The following MTREX variants were observed in gnomAD, a reference collection of about 807,000 sequenced individuals.
MTREX encodes the protein Mtr4 exosome RNA helicase.
In MTREX, 76 loss-of-function variants were observed where a neutral mutation model predicts 135.4. The observed-to-expected ratio is 0.56, with a 90% CI of 0.47 to 0.68. The LOEUF (loss-of-function observed/expected upper bound fraction) is 0.68, where lower values mean the gene tolerates loss of function less well. MTREX is among the 30% of genes least tolerant of loss of function. The pLI, the probability that MTREX is intolerant of heterozygous loss-of-function variation, is 0.00. For synonymous variants in MTREX, 404 were observed against 401.6 expected (o/e 1.01, Z -0.07); for missense variants, 920 against 1,262.1 (o/e 0.73, Z 4.11).
chr5:55,410,721 T>TAGTAATATAATA (rs1382014791), intron 23 of MTREX, 92 bp downstream of exon 23: 10 of 623,932 alleles, frequency 1.6e-5, no homozygotes, highest in African/African-American at 5.7e-5. Flanking sequence ...TTACTAATAT[T>TAGTAATATAATA]TACATATTAT....
At position 55,424,894 on chromosome 5, in the gene MTREX, T is replaced by A; in HGVS notation, c.*122T>A. Reference sequence around the variant, plus strand: ...CATTTTAATATGTATTATATTTAAATCAAACATCATTCATAGAAAGCATAT... The same window carrying A: ...CATTTTAATATGTATTATATTTAAAACAAACATCATTCATAGAAAGCATAT... On this transcript the variant is annotated 3_prime_UTR_variant, in exon 27 of 27. Coordinates refer to ENST00000230640, the MANE Select transcript of MTREX (RefSeq NM_015360.5). The A allele has an allele frequency of 1.4e-6, 1 of 695,610 alleles. No homozygotes were observed. 43.1% of individuals were successfully genotyped at this position (695,610 alleles called of 1,614,324 possible). A position where few individuals can be genotyped will look rare whatever the true frequency, so the allele number is the denominator to read the frequency against.
chr5:55,384,234 A>G (rs1750443129), intron 18 of MTREX, among the ~76,000 whole-genome samples: 1 of 152,198 alleles, frequency 6.6e-6, no homozygotes, highest in Non-Finnish European at 1.5e-5. Flanking sequence ...ATCTCCATCA[A>G]TAGTCTATCT....
At chr5:55,401,027 GCGTC>G (rs1293218612) in intron 21 of MTREX, among the ~76,000 whole-genome samples, 1 of 151,992 alleles carries the variant, frequency 6.6e-6, no homozygotes, top group Non-Finnish European at 1.5e-5. Context: ...GTGTGTGCGT[GCGTC>G]CGTGCATGCG....
chr5:55,365,065 T>C lies in MTREX; in HGVS notation c.1660-1660T>C, dbSNP rs865855098. ...GAATGTCAAAAAGCCATGTTGAGTT[T>C]CAGGTGACTGAGAATTTACATGGGT... On this transcript the variant is annotated intron_variant, in intron 15 of 26. Coordinates refer to ENST00000230640, the MANE Select transcript of MTREX (RefSeq NM_015360.5). 1.6e-4 allele frequency among the ~76,000 whole-genome samples: 25 copies of C among 152,298 alleles called. No homozygotes were observed. In the Middle Eastern group the frequency reaches 0.01, roughly 62 times the overall value.
intron 1 of MTREX, among the ~76,000 whole-genome samples, chr5:55,315,575 G>T (rs934772698): frequency 2.6e-5 from 4 of 151,944 alleles, no homozygotes; most frequent in Non-Finnish European, 5.9e-5. Flanking sequence ...ATTCCATTGC[G>T]GCATAGAGCA....
rs1749620439 is a variant in MTREX at position 55,340,107 on chromosome 5, G to C, written c.613G>C (p.Glu205Gln). 3 of 1,604,836 alleles carry C rather than the reference G, an allele frequency of 1.9e-6. No homozygotes were observed. The highest frequency in any genetic ancestry group is 2.6e-6 in the Non-Finnish European group (3 of 1,175,552). Residue 205 changes from glutamate to glutamine, a missense_variant, in exon 6 of 27, where the codon GAA becomes CAA. Glu to Gln is a conservative substitution (Grantham distance 29). Coordinates refer to ENST00000230640, the MANE Select transcript of MTREX (RefSeq NM_015360.5). ...CCAAAAATACCGTGAAATGTATGAA[G>C]AATTTCAAGATGTTGGTTTGATGAC... ...SNQKYREMYEEFQDVGLMTGD... is the reference protein window; with the variant it reads ...SNQKYREMYEQFQDVGLMTGD...
chr5:55,388,375 C>G (rs574338844), intron 19 of MTREX, among the ~76,000 whole-genome samples: 1 of 152,108 alleles, frequency 6.6e-6, no homozygotes, highest in South Asian at 2.1e-4. Context: ...TTACATGAAG[C>G]TGGATTTTGC....
At chr5:55,325,650 A>G (rs1749366303) in intron 3 of MTREX, among the ~76,000 whole-genome samples, 1 of 151,950 alleles carries the variant, frequency 6.6e-6, no homozygotes, top group Admixed American at 6.6e-5. Context: ...GTGCCTAGCC[A>G]TGTGCAGGTT....
chr5:55,309,183 C>CA (rs34270754), intron 1 of MTREX, among the ~76,000 whole-genome samples: 5 of 152,052 alleles, frequency 3.3e-5, no homozygotes, highest in Non-Finnish European at 7.4e-5. Flanking sequence ...ATAAATTGAG[C>CA]AAGAGGAACT....
chr5:55,334,897 G>T (rs1015700563), intron 5 of MTREX, among the ~76,000 whole-genome samples: 1 of 152,030 alleles, frequency 6.6e-6, no homozygotes, highest in Non-Finnish European at 1.5e-5. Context: ...TGGCAAATAT[G>T]TATTTAACTG....
intron 18 of MTREX, among the ~76,000 whole-genome samples, chr5:55,384,345 T>G (rs545129984): frequency 6.6e-6 from 1 of 152,356 alleles, no homozygotes; most frequent in East Asian, 1.9e-4. Context: ...CTCTAAAATT[T>G]GCTTTTGGTT....
chr5:55,399,668 T>C (rs1750694162), intron 20 of MTREX, among the ~76,000 whole-genome samples: 1 of 152,008 alleles, frequency 6.6e-6, no homozygotes. Context: ...TTTGTATTTT[T>C]AGTAGAGACG....
chr5:55,321,171 T>C (rs1749283751), intron 1 of MTREX, among the ~76,000 whole-genome samples: 1 of 152,160 alleles, frequency 6.6e-6, no homozygotes, highest in African/African-American at 2.4e-5. Flanking sequence ...ATATTGCAAA[T>C]ATCAATAGAT....
At chr5:55,410,369 TCTA>T (rs1301748731) in intron 22 of MTREX, among the ~76,000 whole-genome samples, 152 bp from the exon 23 acceptor site, 2 of 152,236 alleles carry the variant, frequency 1.3e-5, no homozygotes, top group Admixed American at 1.3e-4. Flanking sequence ...TTATTAAAGA[TCTA>T]CTATGTCCTT....
rs551583429 is a variant in MTREX, at chr5:55,375,866, C to T, written c.1811-2448C>T. On this transcript the variant is annotated intron_variant, in intron 16 of 26. Transcript: ENST00000230640. ...CACAATCTACGTTCTTCTGCCACAG[C>T]TTCAGCTGGTCCCTCCGTTTGGGGT... Among the ~76,000 whole-genome samples, 3 of 152,322 alleles carry T rather than the reference C, an allele frequency of 2.0e-5. No homozygotes were observed. In the East Asian group the frequency reaches 5.8e-4, roughly 29 times the overall value.
intron 24 of MTREX, 87 bp downstream of exon 24, chr5:55,414,325 A>C (rs1487330089): frequency 7.5e-6 from 8 of 1,066,870 alleles, no homozygotes; most frequent in Non-Finnish European, 1.0e-5. Context: ...TAATCATAGT[A>C]GTTTATCATT....
At chr5:55,368,243 G>A (rs2112088047) in intron 16 of MTREX, among the ~76,000 whole-genome samples, 1 of 152,232 alleles carries the variant, frequency 6.6e-6, no homozygotes, top group Middle Eastern at 3.4e-3. Flanking sequence ...GAGGTCAGGA[G>A]TTCGAGGCCA....
chr5:55,374,264 T>TTATATATATATATATATATATA (rs763872215), intron 16 of MTREX, among the ~76,000 whole-genome samples: 16 of 139,674 alleles, frequency 1.1e-4, no homozygotes, highest in East Asian at 8.6e-4. Context: ...CAAAAAACAT[T>TTATATATATATATATATATATA]TATATATATA....
Position 55,369,114 on chromosome 5 carries a change from A to AATTTT in MTREX, c.1810+2253_1810+2257dup, listed in dbSNP as rs1049556573. Among the ~76,000 whole-genome samples, 8 of 150,862 alleles carry AATTTT rather than the reference A, an allele frequency of 5.3e-5. No individual in the cohort carries two copies. In the East Asian group the frequency reaches 7.7e-4, roughly 15 times the overall value. On this transcript the variant is annotated intron_variant, in intron 16 of 26. Transcript: ENST00000230640. ...CCCACCAAAAATTGTATTAATAATA[A>AATTTT]ATTTTATTTTATTTTATTAAAAATA...
Sources: allele counts gnomAD v4.1 joint callset (sites outside exome capture counted in the v4.1 genomes callset), GRCh38; gene constraint gnomAD v4.1.1; transcripts MANE v1.5; gene names NCBI Gene and HGNC (gene_info 2026-07-23, HGNC 2026-07-21).